Variants in FSHR observed in about 807,000 individuals in gnomAD.
FSHR encodes follicle-stimulating hormone receptor.
Under a neutral mutation model 52.1 loss-of-function variants are expected in FSHR, and 46 were observed. The ratio of observed to expected loss-of-function variants is 0.88; its 90% CI spans 0.70 to 1.13. The LOEUF is 1.13. Ranked by LOEUF, FSHR falls within the 50% of genes most tolerant of loss-of-function variation. The pLI is 0.00. For synonymous variants in FSHR, 399 were observed against 309.6 expected (o/e 1.29, Z -3.03); for missense variants, 964 against 834.6 (o/e 1.16, Z -1.91).
At chr2:49,042,332 A>G (rs17038116) in intron 2 of FSHR, among the ~76,000 whole-genome samples, 19,545 of 152,120 alleles carry the variant, frequency 0.13, 2,062 homozygotes, top group African/African-American at 0.26. Flanking sequence ...ACCAAACCAG[A>G]CTAGATAACA....
At chr2:49,065,674 G>A (rs956571048) in intron 2 of FSHR, among the ~76,000 whole-genome samples, 2 of 152,076 alleles carry the variant, frequency 1.3e-5, no homozygotes, top group Non-Finnish European at 2.9e-5. Flanking sequence ...CAGGAGAGAG[G>A]TGGAGGTTGC....
At chr2:49,145,401 T>A (rs60659451) in intron 1 of FSHR, among the ~76,000 whole-genome samples, 1 of 152,200 alleles carries the variant, frequency 6.6e-6, no homozygotes, top group African/African-American at 2.4e-5. Context: ...ATTTGCTAGC[T>A]TTAAAGCAAT....
At chr2:48,993,789 A>G (rs1675893270) in intron 4 of FSHR, among the ~76,000 whole-genome samples, 1 of 152,060 alleles carries the variant, frequency 6.6e-6, no homozygotes, top group South Asian at 2.1e-4. Context: ...TTCTCCAAAT[A>G]TTTGCATGTA....
At chr2:49,073,635 GA>G (rs1159528806) in intron 1 of FSHR, among the ~76,000 whole-genome samples, 2 of 151,996 alleles carry the variant, frequency 1.3e-5, no homozygotes, top group African/African-American at 4.8e-5. Context: ...GCAATCTACA[GA>G]TTCAATGCAA....
intron 6 of FSHR, among the ~76,000 whole-genome samples, chr2:48,987,697 T>C (rs1277779058): frequency 1.3e-5 from 2 of 152,184 alleles, no homozygotes; most frequent in Non-Finnish European, 2.9e-5. Flanking sequence ...CATCACAGAC[T>C]AGTGAGATTA....
At chr2:48,992,788 G>C (rs989291403) in intron 4 of FSHR, among the ~76,000 whole-genome samples, 1 of 152,060 alleles carries the variant, frequency 6.6e-6, no homozygotes, top group East Asian at 1.9e-4. Flanking sequence ...TCACAGCAAA[G>C]CTTCTAGAAA....
intron 4 of FSHR, among the ~76,000 whole-genome samples, chr2:48,996,898 C>T (rs1676046660): frequency 6.6e-6 from 1 of 152,134 alleles, no homozygotes; most frequent in Non-Finnish European, 1.5e-5. Flanking sequence ...TATGAAAAGA[C>T]TCGCTACTTT....
rs568112536 is a variant in FSHR, at chr2:49,051,002, C to G, written c.224+17217G>C. ...GAATCATATGGTATACCTTCTGTGT[C>G]TGGCTTCTTTGCTTACTATAATGCT... On this transcript the variant is annotated intron_variant, in intron 2 of 9. Transcript: ENST00000406846. Among the ~76,000 whole-genome samples the G allele has an allele frequency of 2.0e-5, 3 of 152,206 alleles. No individual in the cohort carries two copies. The South Asian group carries it at 6.2e-4, about 32-fold the overall frequency.
intron 2 of FSHR, among the ~76,000 whole-genome samples, chr2:49,033,192 G>C (rs767666235): frequency 7.2e-5 from 11 of 152,214 alleles, no homozygotes; most frequent in Non-Finnish European, 1.6e-4. Flanking sequence ...CAGTGACTGA[G>C]TAAGCCCAAA....
chr2:49,017,480 A>G lies in FSHR; in HGVS notation c.374+9T>C, dbSNP rs1006020716. 16 of 1,603,682 alleles carry G rather than the reference A, an allele frequency of 1.0e-5. No homozygotes were observed. Among genetic ancestry groups the G allele is most frequent in the South Asian group, 2.2e-5 (2 of 90,908 alleles). On this transcript the variant is annotated intron_variant, in intron 4 of 9. Transcript: ENST00000406846. ...CATAGTGGGGGTACCAAACTACATG[A>G]GTTCTTACAGATATTGAAGGTTGGG...
intron 8 of FSHR, among the ~76,000 whole-genome samples, chr2:48,982,602 C>T (rs2241087): frequency 0.21 from 32,256 of 152,000 alleles, 5,017 homozygotes; most frequent in African/African-American, 0.44. Context: ...TTCTGTAAAA[C>T]GGGAATAATA....
intron 1 of FSHR, among the ~76,000 whole-genome samples, chr2:49,069,110 C>T (rs1669630009): frequency 6.6e-6 from 1 of 152,110 alleles, no homozygotes; most frequent in Non-Finnish European, 1.5e-5. Context: ...CCTCATCTCA[C>T]TAGGGGAAAA....
chr2:48,971,991 A>AT (rs1674761898), intron 8 of FSHR, among the ~76,000 whole-genome samples: 1 of 152,158 alleles, frequency 6.6e-6, no homozygotes, highest in African/African-American at 2.4e-5. Flanking sequence ...CATAAACACA[A>AT]TTTATATGCT....
At chr2:49,009,777 C>G (rs1384784595) in intron 4 of FSHR, among the ~76,000 whole-genome samples, 4 of 140,630 alleles carry the variant, frequency 2.8e-5, no homozygotes, top group East Asian at 4.5e-4. Flanking sequence ...GTATTTTATT[C>G]TCTTTGAAGC....
intron 1 of FSHR, among the ~76,000 whole-genome samples, chr2:49,093,858 A>G (rs1444141955): frequency 1.3e-5 from 2 of 152,054 alleles, no homozygotes; most frequent in East Asian, 3.9e-4. Context: ...TGGCCTTCCA[A>G]ATTGCTAGGA....
At chr2:49,092,528 A>G (rs1356422587) in intron 1 of FSHR, among the ~76,000 whole-genome samples, 1 of 152,230 alleles carries the variant, frequency 6.6e-6, no homozygotes, top group Non-Finnish European at 1.5e-5. Context: ...AGTCTGCTGA[A>G]TGTTTAACCA....
At chr2:49,125,821 C>G (rs1244055400) in intron 1 of FSHR, among the ~76,000 whole-genome samples, 1 of 152,224 alleles carries the variant, frequency 6.6e-6, no homozygotes, top group Non-Finnish European at 1.5e-5. Context: ...AGTCTTGCCA[C>G]TAGCTGTCGT....
In FSHR at chr2:49,130,547, T is replaced by C. The variant is rs573773283; in HGVS notation, c.152+23719A>G. Among the ~76,000 whole-genome samples the C allele has an allele frequency of 9.8e-5, 15 of 152,356 alleles. 1 individual carries two copies. In the South Asian group the frequency reaches 3.1e-3, roughly 32 times the overall value. ...AGTTCAACTCATCTATTGAATTTAG[T>C]GCAAGTCATTAATTTCATTTATTCA... On this transcript the variant is annotated intron_variant, in intron 1 of 9. Transcript: ENST00000406846.
chr2:49,054,813 C>G (rs752020011), intron 2 of FSHR, among the ~76,000 whole-genome samples: 32 of 152,144 alleles, frequency 2.1e-4, no homozygotes, highest in Non-Finnish European at 3.1e-4. Context: ...AGATACTACA[C>G]TATTGTATCC....
Sources: gnomAD v4.1 joint callset for allele counts (sites outside exome capture counted in the v4.1 genomes callset) on GRCh38, gnomAD v4.1.1 for gene constraint, MANE v1.5 for transcripts, NCBI Gene and HGNC (gene_info 2026-07-23, HGNC 2026-07-21) for gene names.